The following ZSCAN5A variants were observed in gnomAD, a reference collection of about 807,000 sequenced individuals.
ZSCAN5A encodes zinc finger and SCAN domain-containing protein 5A.
In ZSCAN5A, 12 loss-of-function variants were observed where a neutral mutation model predicts 23.7. The observed-to-expected ratio is 0.51, with a 90% CI of 0.32 to 0.82. The LOEUF is 0.82. ZSCAN5A is among the 40% of genes least tolerant of loss of function. The pLI, the probability that ZSCAN5A is intolerant of heterozygous loss-of-function variation, is 0.03. For synonymous variants in ZSCAN5A, 257 were observed against 239.9 expected, an observed-to-expected ratio of 1.07 and a Z score of -0.66; for missense variants, 597 against 617.9, an observed-to-expected ratio of 0.97 and a Z score of 0.36.
chr19:56,287,680 T>C (rs1452899893), intron 2 of ZSCAN5A, among the ~76,000 whole-genome samples: 2 of 151,926 alleles, frequency 1.3e-5, no homozygotes, highest in Non-Finnish European at 2.9e-5. Flanking sequence ...GAGGCAGATG[T>C]GGAGGAAGTC....
Position 56,221,590 on chromosome 19 carries a change from T to G in ZSCAN5A, c.1476A>C (p.Glu492Asp), listed in dbSNP as rs1437172257. Residue 492 changes from glutamate to aspartate, a missense_variant, in exon 6 of 6, where the codon GAA becomes GAC. Physicochemically the swap from Glu to Asp is conservative, Grantham distance 45. This residue lies in a region of ZSCAN5A where 87 missense variants were observed against 74.4 expected (regional missense o/e 1.17). Coordinates refer to ENST00000683990, the MANE Select transcript of ZSCAN5A (RefSeq NM_001322064.3). ...GATTATGCAATCACTGAGAAGTAGCTTCTGGATGTGTTTTCTGGTGGCGTC... is the reference window on the plus strand; with the variant it reads ...GATTATGCAATCACTGAGAAGTAGCGTCTGGATGTGTTTTCTGGTGGCGTC... Reference protein sequence around the residue: ...LLRRHQKTHPEATSQ With the variant: ...LLRRHQKTHPDATSQ The G allele has an allele frequency of 1.2e-6, 2 of 1,602,688 alleles. No homozygotes were observed. Among genetic ancestry groups the G allele is most frequent in the South Asian group, 2.2e-5 (2 of 89,832 alleles).
intron 2 of ZSCAN5A, among the ~76,000 whole-genome samples, chr19:56,282,308 A>G (rs765764318): frequency 3.9e-5 from 6 of 152,168 alleles, no homozygotes; most frequent in Non-Finnish European, 7.3e-5. Flanking sequence ...AAGGGGTCCA[A>G]TGCACTTAGA....
chr19:56,324,449 C>T (rs1350114355), intron 2 of ZSCAN5A, among the ~76,000 whole-genome samples: 2 of 152,148 alleles, frequency 1.3e-5, no homozygotes, highest in African/African-American at 4.8e-5. Flanking sequence ...TATCTCACTC[C>T]AGTTAAAATG....
intron 2 of ZSCAN5A, among the ~76,000 whole-genome samples, chr19:56,345,517 AAATC>A (rs2041625745): frequency 6.6e-6 from 1 of 152,226 alleles, no homozygotes; most frequent in Non-Finnish European, 1.5e-5. Context: ...ACTCAGGTGA[AAATC>A]AAATAGAAAA....
chr19:56,323,309 C>T (rs2041398411), intron 2 of ZSCAN5A, among the ~76,000 whole-genome samples: 1 of 152,126 alleles, frequency 6.6e-6, no homozygotes, highest in Non-Finnish European at 1.5e-5. Flanking sequence ...GATCCTCCCA[C>T]CTCAGCCTCC....
chr19:56,274,762 GTTTTT>G (rs36109008), intron 2 of ZSCAN5A: 1 of 151,876 alleles, frequency 6.6e-6, no homozygotes, highest in Admixed American at 6.6e-5. Context: ...TTTCAATTAA[GTTTTT>G]TGTTTTGTTT....
intron 2 of ZSCAN5A, among the ~76,000 whole-genome samples, chr19:56,238,898 T>A (rs2035196500): frequency 1.3e-5 from 2 of 152,032 alleles, no homozygotes; most frequent in South Asian, 4.1e-4. Flanking sequence ...GGGAATTGGG[T>A]AGGTAGATGG....
chr19:56,238,376 C>T (rs935052034), intron 2 of ZSCAN5A, among the ~76,000 whole-genome samples: 4 of 152,178 alleles, frequency 2.6e-5, no homozygotes, highest in Non-Finnish European at 4.4e-5. Context: ...GATATGTAAA[C>T]ACCAGCATGG....
intron 2 of ZSCAN5A, among the ~76,000 whole-genome samples, chr19:56,349,492 C>G (rs1336336449): frequency 1.3e-5 from 2 of 151,950 alleles, no homozygotes; most frequent in African/African-American, 2.4e-5. Context: ...GTCAGGAGAT[C>G]GAGACCAGCG....
At chr19:56,269,557 A>G (rs1009731740) in intron 2 of ZSCAN5A, among the ~76,000 whole-genome samples, 6 of 152,200 alleles carry the variant, frequency 3.9e-5, no homozygotes, top group Admixed American at 2.6e-4. Flanking sequence ...GGTAGGTCCA[A>G]TGTAATCACA....
intron 2 of ZSCAN5A, among the ~76,000 whole-genome samples, chr19:56,344,909 C>CAAAAAAAA (rs1019131536): frequency 4.2e-4 from 8 of 19,032 alleles, no homozygotes; most frequent in African/African-American, 7.0e-4. Context: ...GACTCCGTCT[C>CAAAAAAAA]AAAAAAAAAA....
At chr19:56,242,844 T>C (rs1159437273) in intron 2 of ZSCAN5A, among the ~76,000 whole-genome samples, 1 of 152,190 alleles carries the variant, frequency 6.6e-6, no homozygotes, top group Admixed American at 6.5e-5. Context: ...AATGGCGTGA[T>C]GTCGGCTCAC....
intron 2 of ZSCAN5A, among the ~76,000 whole-genome samples, chr19:56,244,922 C>A (rs553660760): frequency 1.6e-4 from 25 of 152,214 alleles, no homozygotes; most frequent in African/African-American, 5.1e-4. Flanking sequence ...CCCAAATGAG[C>A]CCCTAAGTTC....
At chr19:56,346,617 T>C (rs2041635237) in intron 2 of ZSCAN5A, among the ~76,000 whole-genome samples, 4 of 152,042 alleles carry the variant, frequency 2.6e-5, no homozygotes. Context: ...GTCCTAATGG[T>C]ACCCCATTAG....
chr19:56,263,274 A>G (rs892670384), intron 2 of ZSCAN5A: 18 of 152,216 alleles, frequency 1.2e-4, no homozygotes, highest in African/African-American at 4.3e-4. Context: ...AGTGCATTTT[A>G]AGGGCAAGCG....
At chr19:56,273,010 A>T in intron 2 of ZSCAN5A, 1 of 402,714 alleles carries the variant, frequency 2.5e-6, no homozygotes, top group Non-Finnish European at 3.4e-6. Context: ...AAGCTCCTGA[A>T]GTCTAACAGA....
At position 56,233,610 on chromosome 19, in the gene ZSCAN5A, AC is replaced by A. The variant is rs1347724501; in HGVS notation, c.-127-8438del. Among the ~76,000 whole-genome samples the A allele has an allele frequency of 3.7e-5, 4 of 108,320 alleles. No homozygotes were observed. In the East Asian group the frequency reaches 6.9e-4, roughly 19 times the overall value. The allele number at this position is 108,320 out of a possible 152,430, so 71.1% of individuals were successfully genotyped here. On this transcript the variant is annotated intron_variant, in intron 2 of 5. Coordinates refer to ENST00000683990, the MANE Select transcript of ZSCAN5A (RefSeq NM_001322064.3). ...GAATCCTATACTTTTCTATGAAATC[AC>A]CTTTTTTTTTTTTTTTGGAGATCTC...
Position 56,321,434 on chromosome 19 carries a change from G to A in ZSCAN5A, c.-357-5166C>T, listed in dbSNP as rs899978546. On this transcript the variant is annotated intron_variant, in intron 2 of 6. Transcript: ENST00000587340. ...ATTTTGCACACAGAGTCTGTGAAAT[G>A]TCCAACGGCATTGATAACACACTTG... 8 of 671,294 alleles carry A rather than the reference G, an allele frequency of 1.2e-5. No individual in the cohort carries two copies. The African/African-American group carries it at 1.4e-4, about 12-fold the overall frequency. The allele number at this position is 671,294 out of a possible 1,614,324, so 41.6% of individuals were successfully genotyped here. A position where few individuals can be genotyped will look rare whatever the true frequency, so the allele number is the denominator to read the frequency against.
intron 2 of ZSCAN5A, among the ~76,000 whole-genome samples, chr19:56,249,295 T>G (rs1243634221): frequency 6.6e-6 from 1 of 152,132 alleles, no homozygotes; most frequent in Non-Finnish European, 1.5e-5. Context: ...TTAGACCAAG[T>G]CTCACTCTGT....
Sources: gnomAD v4.1 joint callset for allele counts (sites outside exome capture counted in the v4.1 genomes callset) on GRCh38, gnomAD v4.1.1 for gene constraint, gnomAD v4.1.1 regional missense constraint, MANE v1.5 for transcripts, NCBI Gene and HGNC (gene_info 2026-07-23, HGNC 2026-07-21) for gene names.